CCSER1: variants seen among roughly 807,000 people sequenced by gnomAD.
The protein encoded by CCSER1 is coiled-coil serine rich protein 1, also known as serine-rich coiled-coil domain-containing protein 1.
A neutral mutation model predicts 82.0 loss-of-function variants in CCSER1; 41 were observed. The ratio of observed to expected loss-of-function variants is 0.50; its 90% CI spans 0.39 to 0.65. The LOEUF (loss-of-function observed/expected upper bound fraction) is 0.65. Among genes scored for constraint, CCSER1 ranks in the 30% least tolerant of loss-of-function variants. The pLI, the probability that CCSER1 is intolerant of heterozygous loss-of-function variation, is 0.00. For synonymous variants in CCSER1, 414 were observed against 383.9 expected, an observed-to-expected ratio of 1.08 and a Z score of -0.92; for missense variants, 1,119 against 1,064.2, an observed-to-expected ratio of 1.05 and a Z score of -0.72.
chr4:91,441,065 T>A (rs900609415), intron 10 of CCSER1, among the ~76,000 whole-genome samples: 10 of 152,018 alleles, frequency 6.6e-5, no homozygotes, highest in African/African-American at 2.4e-4. Flanking sequence ...GTACCATTCC[T>A]TCTGAAACTA....
chr4:90,435,327 C>T (rs1349783976), intron 4 of CCSER1, among the ~76,000 whole-genome samples: 3 of 151,580 alleles, frequency 2.0e-5, no homozygotes, highest in Admixed American at 6.6e-5. Context: ...TGATATTGGG[C>T]CATTCAATTC....
chr4:91,545,849 C>T (rs1307970865), intron 10 of CCSER1, among the ~76,000 whole-genome samples: 1 of 152,026 alleles, frequency 6.6e-6, no homozygotes, highest in Non-Finnish European at 1.5e-5. Context: ...TGTGGAGATT[C>T]TAAGCTTGTT....
chr4:90,161,427 T>A lies in CCSER1; in HGVS notation c.-42+33596T>A, dbSNP rs530988678. ...CAGATGACGAAAATGAAATATAGAATTTACATATTGTTGATGTATTAGCTG... is the reference window on the plus strand; with the variant it reads ...CAGATGACGAAAATGAAATATAGAAATTACATATTGTTGATGTATTAGCTG... On this transcript the variant is annotated intron_variant, in intron 1 of 10. Coordinates refer to ENST00000509176, the MANE Select transcript of CCSER1 (RefSeq NM_001145065.2). Among the ~76,000 whole-genome samples, 5 of 152,254 alleles carry A rather than the reference T, an allele frequency of 3.3e-5. No individual in the cohort carries two copies. In the South Asian group the frequency reaches 1.0e-3, roughly 32 times the overall value.
chr4:90,280,679 A>T (rs946212199), intron 1 of CCSER1, among the ~76,000 whole-genome samples: 4 of 151,996 alleles, frequency 2.6e-5, no homozygotes, highest in Non-Finnish European at 5.9e-5. Context: ...CATGCATATA[A>T]ATTCTCCAAC....
intron 1 of CCSER1, among the ~76,000 whole-genome samples, chr4:90,131,066 C>T (rs1347170222): frequency 1.3e-5 from 2 of 152,144 alleles, no homozygotes; most frequent in Non-Finnish European, 2.9e-5. Flanking sequence ...GGCGCAATCT[C>T]GGCTCACTGC....
intron 9 of CCSER1, among the ~76,000 whole-genome samples, chr4:90,959,255 C>A (rs1158146972): frequency 2.0e-5 from 3 of 152,166 alleles, no homozygotes; most frequent in South Asian, 2.1e-4. Context: ...ATGCAGTATT[C>A]TTTGCCTATT....
chr4:91,478,220 T>G (rs1022008846), intron 10 of CCSER1, among the ~76,000 whole-genome samples: 1 of 151,950 alleles, frequency 6.6e-6, no homozygotes, highest in African/African-American at 2.4e-5. Flanking sequence ...CTATAAAATA[T>G]AATTACTGGT....
chr4:91,449,792 T>C (rs1391661850), intron 10 of CCSER1, among the ~76,000 whole-genome samples: 1 of 152,110 alleles, frequency 6.6e-6, no homozygotes, highest in African/African-American at 2.4e-5. Context: ...TATGAATTCT[T>C]GAAAAGATTC....
chr4:90,618,390 AAC>A (rs1357460415), intron 5 of CCSER1, among the ~76,000 whole-genome samples: 2 of 151,988 alleles, frequency 1.3e-5, no homozygotes, highest in Non-Finnish European at 1.5e-5. Context: ...TGAATATTAT[AAC>A]ACAAATTATC....
At chr4:90,563,286 A>G (rs1778995799) in intron 5 of CCSER1, among the ~76,000 whole-genome samples, 1 of 151,828 alleles carries the variant, frequency 6.6e-6, no homozygotes, top group South Asian at 2.1e-4. Context: ...TAATTTTTGT[A>G]TTTTTAATAG....
chr4:90,181,243 T>C (rs994368331), intron 1 of CCSER1, among the ~76,000 whole-genome samples: 14 of 152,178 alleles, frequency 9.2e-5, no homozygotes, highest in Admixed American at 7.2e-4. Context: ...AGGAATTTCC[T>C]TGTACAAAGT....
intron 10 of CCSER1, among the ~76,000 whole-genome samples, chr4:91,411,710 T>C (rs1439886325): frequency 2.1e-5 from 3 of 145,060 alleles, no homozygotes; most frequent in Non-Finnish European, 3.0e-5. Flanking sequence ...TTTCATTTTT[T>C]TTTTTTCATC....
chr4:91,147,992 A>C (rs560673614), intron 10 of CCSER1, among the ~76,000 whole-genome samples: 1 of 152,334 alleles, frequency 6.6e-6, no homozygotes, highest in Non-Finnish European at 1.5e-5. Flanking sequence ...TTTATTTAAG[A>C]ATACAAACAA....
intron 6 of CCSER1, among the ~76,000 whole-genome samples, chr4:90,668,192 C>G (rs1177373430): frequency 6.6e-6 from 1 of 152,126 alleles, no homozygotes; most frequent in Non-Finnish European, 1.5e-5. Context: ...TCGCTAAAAA[C>G]AGAGGAGGTC....
chr4:90,624,610 C>T lies in CCSER1; in HGVS notation c.1725-3415C>T, dbSNP rs61547383. Among the ~76,000 whole-genome samples, 986 of 152,268 alleles carry T rather than the reference C, an allele frequency of 6.5e-3. 10 individuals are homozygous for T. Among genetic ancestry groups the T allele is most frequent in the African/African-American group, 0.017 (693 of 41,560 alleles). The stretch of plus-strand genomic sequence containing the variant: ...GGAGAAAAGTGCAAAGCCAGTTCAC[C>T]ATCGTAGTTTAACTTAAATGTGTTA... On this transcript the variant is annotated intron_variant, in intron 5 of 10. Transcript: ENST00000509176.
chr4:90,181,544 A>G (rs1733733686), intron 1 of CCSER1, among the ~76,000 whole-genome samples: 1 of 152,172 alleles, frequency 6.6e-6, no homozygotes, highest in South Asian at 2.1e-4. Flanking sequence ...TTAAGAAAGA[A>G]ACAGGAGAAA....
chr4:91,594,346 CATAT>C (rs575842502), intron 10 of CCSER1, among the ~76,000 whole-genome samples: 32 of 144,096 alleles, frequency 2.2e-4, no homozygotes, highest in African/African-American at 8.0e-4. Flanking sequence ...CATATATATA[CATAT>C]ATATACACAT....
chr4:91,165,033 G>C (rs150037229), intron 10 of CCSER1, among the ~76,000 whole-genome samples: 1 of 152,122 alleles, frequency 6.6e-6, no homozygotes, highest in Non-Finnish European at 1.5e-5. Flanking sequence ...AGAATTTTCA[G>C]CTTTTCTGCT....
At chr4:91,214,994 TATTG>T (rs1260618110) in intron 10 of CCSER1, among the ~76,000 whole-genome samples, 2 of 152,048 alleles carry the variant, frequency 1.3e-5, no homozygotes, top group Non-Finnish European at 2.9e-5. Context: ...AGAAAATGAA[TATTG>T]ATTTAATAAA....
Sources: gnomAD v4.1 joint callset for allele counts (sites outside exome capture counted in the v4.1 genomes callset) on GRCh38, gnomAD v4.1.1 for gene constraint, MANE v1.5 for transcripts, NCBI Gene and HGNC (gene_info 2026-07-23, HGNC 2026-07-21) for gene names.